Variants in GPC6 observed in about 807,000 individuals in gnomAD.
GPC6 encodes the protein glypican 6.
Under a neutral mutation model 55.2 loss-of-function variants are expected in GPC6, and 14 were observed. The ratio of observed to expected loss-of-function variants is 0.25; its 90% CI spans 0.17 to 0.40. The LOEUF is 0.40. Ranked by LOEUF, GPC6 falls within the 10% of genes least tolerant of loss-of-function variation. The pLI is 1.00. For missense variants in GPC6, 641 were observed against 708.5 expected, an observed-to-expected ratio of 0.90 and a Z score of 1.08; for synonymous variants, 278 against 259.6, an observed-to-expected ratio of 1.07 and a Z score of -0.68.
At chr13:93,324,587 C>CATATATATATATATATATATATATATAT (rs34871661) in intron 1 of GPC6, among the ~76,000 whole-genome samples, 15 of 122,876 alleles carry the variant, frequency 1.2e-4, no homozygotes, top group East Asian at 1.0e-3. Flanking sequence ...CACATACATA[C>CATATATATATATATATATATATATATAT]ATATATATAT....
chr13:93,322,199 G>A (rs149684284), intron 1 of GPC6, among the ~76,000 whole-genome samples: 1,569 of 152,064 alleles, frequency 0.01, 27 homozygotes, highest in African/African-American at 0.034. Flanking sequence ...GGTTTGTTAC[G>A]TAAGTAAACT....
At chr13:94,115,862 G>A (rs1294977633) in intron 4 of GPC6, among the ~76,000 whole-genome samples, 1 of 151,932 alleles carries the variant, frequency 6.6e-6, no homozygotes, top group African/African-American at 2.4e-5. Flanking sequence ...TATTTTTTCA[G>A]TTTACAAAAA....
At chr13:94,073,846 A>G (rs557625841) in intron 4 of GPC6, among the ~76,000 whole-genome samples, 46 of 152,336 alleles carry the variant, frequency 3.0e-4, no homozygotes, top group African/African-American at 1.1e-3. Flanking sequence ...ACAACAAAAA[A>G]TGACATAAAT....
intron 2 of GPC6, among the ~76,000 whole-genome samples, chr13:93,553,616 A>T (rs1875281718): frequency 6.9e-6 from 1 of 145,418 alleles, no homozygotes; most frequent in Non-Finnish European, 1.5e-5. Context: ...AATCGCTTGT[A>T]CCCAGGAGGC....
At chr13:93,989,608 TA>T (rs1222280593) in intron 3 of GPC6, among the ~76,000 whole-genome samples, 2 of 152,184 alleles carry the variant, frequency 1.3e-5, no homozygotes, top group East Asian at 1.9e-4. Flanking sequence ...GGTGTGGAGA[TA>T]GGGGGAGATG....
chr13:93,545,067 G>A (rs1291196549), intron 1 of GPC6, among the ~76,000 whole-genome samples, 196 bp from the exon 2 acceptor site: 3 of 152,092 alleles, frequency 2.0e-5, no homozygotes, highest in African/African-American at 7.2e-5. Flanking sequence ...CTAAATATCG[G>A]GTTCAACTTA....
intron 2 of GPC6, among the ~76,000 whole-genome samples, chr13:93,742,813 T>G (rs1268582310): frequency 2.0e-5 from 3 of 152,180 alleles, no homozygotes; most frequent in Non-Finnish European, 4.4e-5. Context: ...GCTGGAAGTA[T>G]GGATGCAAAC....
chr13:93,243,692 A>G (rs969125157), intron 1 of GPC6, among the ~76,000 whole-genome samples: 19 of 152,320 alleles, frequency 1.2e-4, no homozygotes, highest in Admixed American at 3.9e-4. Context: ...CAGCTGTAGC[A>G]TCAATGTACT....
chr13:94,385,354 G>A (rs910863855), intron 7 of GPC6, among the ~76,000 whole-genome samples: 32 of 152,228 alleles, frequency 2.1e-4, no homozygotes, highest in Admixed American at 8.5e-4. Flanking sequence ...GTTTAGGAAC[G>A]GACCACACTG....
chr13:93,376,868 T>C (rs1353602604), intron 1 of GPC6, among the ~76,000 whole-genome samples: 1 of 152,096 alleles, frequency 6.6e-6, no homozygotes, highest in Non-Finnish European at 1.5e-5. Flanking sequence ...CACTGTCATG[T>C]GCACAGCTAT....
intron 6 of GPC6, among the ~76,000 whole-genome samples, chr13:94,372,612 T>A (rs1228317910): frequency 1.3e-5 from 2 of 151,998 alleles, no homozygotes; most frequent in Non-Finnish European, 2.9e-5. Flanking sequence ...GAGATCAAAC[T>A]GCAAGGCGGC....
chr13:93,219,046 TATC>T, the GPC6 span, among the ~76,000 whole-genome samples: 143,816 of 150,616 alleles, frequency 0.95, 69,009 homozygotes, highest in South Asian at 1. Context: ...GGTATATTAA[TATC>T]ATCAACCTGG....
At chr13:93,722,655 G>A (rs1346784804) in intron 2 of GPC6, among the ~76,000 whole-genome samples, 1 of 151,794 alleles carries the variant, frequency 6.6e-6, no homozygotes, top group Admixed American at 6.6e-5. Flanking sequence ...GACTACCATA[G>A]CAAAGTACTA....
chr13:94,263,109 G>A (rs751197669), intron 4 of GPC6, among the ~76,000 whole-genome samples: 8 of 152,238 alleles, frequency 5.3e-5, no homozygotes, highest in East Asian at 1.9e-4. Flanking sequence ...CCATTTTACC[G>A]ATTTCTAAAC....
chr13:94,224,404 G>A (rs1890484351), intron 4 of GPC6, among the ~76,000 whole-genome samples: 1 of 151,882 alleles, frequency 6.6e-6, no homozygotes, highest in African/African-American at 2.4e-5. Context: ...TGTAACTGAT[G>A]ATACCAGTCA....
At chr13:93,395,197 A>G (rs1875798681) in intron 1 of GPC6, 2 of 316,674 alleles carry the variant, frequency 6.3e-6, no homozygotes, top group Admixed American at 3.6e-5. Flanking sequence ...CACTGCAACT[A>G]CTAATGTTTC....
intron 3 of GPC6, among the ~76,000 whole-genome samples, chr13:93,841,350 AG>A (rs1406549716): frequency 1.3e-5 from 2 of 152,128 alleles, no homozygotes; most frequent in African/African-American, 2.4e-5. Context: ...TGTAAGAAAG[AG>A]GGGGGTATGT....
chr13:94,230,938 C>G (rs1890705655), intron 4 of GPC6, among the ~76,000 whole-genome samples: 1 of 152,014 alleles, frequency 6.6e-6, no homozygotes, highest in African/African-American at 2.4e-5. Flanking sequence ...GAGTCTGAAG[C>G]CAGAAAGGGT....
At chr13:94,022,162 A>C (rs1882721323) in intron 3 of GPC6, among the ~76,000 whole-genome samples, 1 of 152,030 alleles carries the variant, frequency 6.6e-6, no homozygotes, top group South Asian at 2.1e-4. Flanking sequence ...TATAATCTTC[A>C]TTTTGTACAT....
Sources: gnomAD v4.1 joint callset for allele counts (sites outside exome capture counted in the v4.1 genomes callset) on GRCh38, gnomAD v4.1.1 for gene constraint, MANE v1.5 for transcripts, NCBI Gene and HGNC (gene_info 2026-07-23, HGNC 2026-07-21) for gene names.